Variants in ZHX2 observed in about 807,000 individuals in gnomAD.
ZHX2 encodes zinc fingers and homeoboxes 2, also known as zinc fingers and homeoboxes protein 2.
ZHX2 carries 6 observed loss-of-function variants against 21.9 expected under a neutral mutation model. The observed-to-expected ratio is 0.27, with a 90% CI of 0.15 to 0.54. The LOEUF is 0.54. ZHX2 is among the 20% of genes least tolerant of loss of function. The pLI, the probability that ZHX2 is intolerant of heterozygous loss-of-function variation, is 0.95. For synonymous variants in ZHX2, 434 were observed against 437.1 expected (o/e 0.99, Z 0.09); for missense variants, 908 against 1,090.7 (o/e 0.83, Z 2.36).
At chr8:122,854,790 G>A (rs1187548315) in intron 1 of ZHX2, among the ~76,000 whole-genome samples, 1 of 152,136 alleles carries the variant, frequency 6.6e-6, no homozygotes. Flanking sequence ...CACCCCATAA[G>A]AGACATCATC....
chr8:122,879,551 A>G (rs1285317419), intron 2 of ZHX2, among the ~76,000 whole-genome samples: 1 of 150,670 alleles, frequency 6.6e-6, no homozygotes, highest in African/African-American at 2.5e-5. Flanking sequence ...ATATAACTCA[A>G]TACTTTGAGT....
chr8:122,799,330 C>T (rs556180484), intron 1 of ZHX2, among the ~76,000 whole-genome samples: 2 of 152,280 alleles, frequency 1.3e-5, no homozygotes, highest in South Asian at 4.1e-4. Flanking sequence ...ATGACACATA[C>T]AAGATCAAAT....
chr8:122,810,563 G>A (rs1817905854), intron 1 of ZHX2: 1 of 152,200 alleles, frequency 6.6e-6, no homozygotes, highest in South Asian at 2.1e-4. Context: ...GAGGTGTCAC[G>A]TCCTGCGTGG....
At position 122,828,129 on chromosome 8, in the gene ZHX2, G is replaced by A. The variant is rs544638528; in HGVS notation, c.-282-35348G>A. ...CCTGTCTCTAAATAAATAAATAAAA[G>A]AGAAAAGCTGGCTCGCAGGAGAGAC... On this transcript the variant is annotated intron_variant, in intron 1 of 3. Transcript: ENST00000314393. This position sits in a 1 kb window ranked among gnomAD's most constrained non-coding sequence, Gnocchi z 5.2. Among the ~76,000 whole-genome samples, 3 of 152,158 alleles carry A rather than the reference G, an allele frequency of 2.0e-5. No homozygotes were observed. In the East Asian group the frequency reaches 5.8e-4, roughly 29 times the overall value.
chr8:122,934,215 A>G (rs1023010801), intron 2 of ZHX2, among the ~76,000 whole-genome samples: 2 of 152,144 alleles, frequency 1.3e-5, no homozygotes, highest in African/African-American at 2.4e-5. Flanking sequence ...TATCTTGCCA[A>G]CCTCCTACAA....
At chr8:122,833,513 G>C (rs759717021) in intron 1 of ZHX2, among the ~76,000 whole-genome samples, 1 of 152,126 alleles carries the variant, frequency 6.6e-6, no homozygotes, top group Admixed American at 6.5e-5. Context: ...AGTTAACTAC[G>C]GGCGGCGGAT....
chr8:122,900,057 G>A (rs1469464506), intron 2 of ZHX2, among the ~76,000 whole-genome samples: 4 of 152,090 alleles, frequency 2.6e-5, no homozygotes, highest in Non-Finnish European at 4.4e-5. Context: ...ATTTTATCAC[G>A]CTTCTCCCTC....
chr8:122,810,751 T>C (rs1217150495), intron 1 of ZHX2, among the ~76,000 whole-genome samples: 2 of 151,656 alleles, frequency 1.3e-5, no homozygotes, highest in African/African-American at 2.4e-5. Flanking sequence ...CTCCAAGGAG[T>C]GTTGTATGTG....
chr8:122,968,015 GTTTC>G (rs1227954908), intron 3 of ZHX2, among the ~76,000 whole-genome samples: 1 of 151,986 alleles, frequency 6.6e-6, no homozygotes, highest in Non-Finnish European at 1.5e-5. Flanking sequence ...CTTCATGTTA[GTTTC>G]TTTATTTAGG....
At chr8:122,917,905 T>TA (rs759480048) in intron 2 of ZHX2, among the ~76,000 whole-genome samples, 2 of 152,178 alleles carry the variant, frequency 1.3e-5, no homozygotes, top group Non-Finnish European at 2.9e-5. Flanking sequence ...GTTCTCCTAG[T>TA]AAGGCCATCA....
chr8:122,902,948 G>T (rs1449957805), intron 2 of ZHX2, among the ~76,000 whole-genome samples: 2 of 152,242 alleles, frequency 1.3e-5, no homozygotes, highest in Admixed American at 1.3e-4. Context: ...GGCCTCCTGG[G>T]TGAGCACAGA....
At chr8:122,800,247 CT>C (rs1158315982) in intron 1 of ZHX2, among the ~76,000 whole-genome samples, 5 of 152,220 alleles carry the variant, frequency 3.3e-5, no homozygotes, top group African/African-American at 1.2e-4. Context: ...TTCAGATGGT[CT>C]TGATGGCAGA....
chr8:122,809,183 G>A (rs1334044084), intron 1 of ZHX2: 2 of 152,392 alleles, frequency 1.3e-5, no homozygotes, highest in East Asian at 3.8e-4. Context: ...GCTGGAGAAG[G>A]ACAAACCTGA....
intron 1 of ZHX2, among the ~76,000 whole-genome samples, chr8:122,786,840 C>G (rs1276230678): frequency 6.6e-6 from 1 of 152,096 alleles, no homozygotes; most frequent in African/African-American, 2.4e-5. Context: ...CACATCCAGA[C>G]AGCACATCTC....
At chr8:122,954,604 C>T (rs552488556) in intron 3 of ZHX2, among the ~76,000 whole-genome samples, 18 of 152,202 alleles carry the variant, frequency 1.2e-4, no homozygotes, top group African/African-American at 2.9e-4. Flanking sequence ...CCACTGAGCC[C>T]GGCTGATGAG....
At chr8:122,962,300 C>T (rs534525735) in intron 3 of ZHX2, among the ~76,000 whole-genome samples, 1 of 152,322 alleles carries the variant, frequency 6.6e-6, no homozygotes, top group East Asian at 1.9e-4. Context: ...CTGAAGTCCC[C>T]AGAGTCTATT....
intron 2 of ZHX2, among the ~76,000 whole-genome samples, chr8:122,871,195 A>G (rs1368323156): frequency 6.6e-6 from 1 of 152,114 alleles, no homozygotes; most frequent in Non-Finnish European, 1.5e-5. Flanking sequence ...AGGATTGTGT[A>G]GTGATTATTA....
At chr8:122,790,350 G>A (rs1056211255) in intron 1 of ZHX2, among the ~76,000 whole-genome samples, 3 of 151,778 alleles carry the variant, frequency 2.0e-5, no homozygotes, top group African/African-American at 7.3e-5. Flanking sequence ...TTGTTTCCTC[G>A]GCCAGCTAGC....
intron 1 of ZHX2, among the ~76,000 whole-genome samples, chr8:122,847,630 A>G (rs954194065): frequency 6.6e-6 from 1 of 152,252 alleles, no homozygotes; most frequent in Non-Finnish European, 1.5e-5. Context: ...AAAGGTGGTC[A>G]TCACCAGAAC....
Sources: allele counts gnomAD v4.1 joint callset (sites outside exome capture counted in the v4.1 genomes callset), GRCh38; gene constraint gnomAD v4.1.1; non-coding constraint Gnocchi (gnomAD v3.1); transcripts MANE v1.5; gene names NCBI Gene and HGNC (gene_info 2026-07-23, HGNC 2026-07-21).